Variants in KCNMA1 observed in about 807,000 individuals in gnomAD.
KCNMA1 encodes the protein potassium calcium-activated channel subfamily M alpha 1.
Under a neutral mutation model 140.0 loss-of-function variants are expected in KCNMA1, and 29 were observed. The ratio of observed to expected loss-of-function variants is 0.21; its 90% CI spans 0.15 to 0.28. The LOEUF (loss-of-function observed/expected upper bound fraction) is 0.28. KCNMA1 is among the 10% of genes least tolerant of loss of function. The pLI is 1.00. For synonymous variants in KCNMA1, 612 were observed against 611.9 expected, an observed-to-expected ratio of 1.00 and a Z score of 0.00; for missense variants, 880 against 1,602.2, an observed-to-expected ratio of 0.55 and a Z score of 7.70.
chr10:77,613,821 G>A (rs1211799789), intron 1 of KCNMA1, among the ~76,000 whole-genome samples: 1 of 152,210 alleles, frequency 6.6e-6, no homozygotes, highest in Non-Finnish European at 1.5e-5. Context: ...AGAGGAGATG[G>A]ATGGGGTAGA....
chr10:76,884,910 A>G lies in KCNMA1; in HGVS notation c.*2356T>C. The G allele has an allele frequency of 6.8e-7, 1 of 1,461,132 alleles. No individual in the cohort carries two copies. Among genetic ancestry groups the G allele is most frequent in the Non-Finnish European group, 9.0e-7 (1 of 1,108,062 alleles). The allele number at this position is 1,461,132 out of a possible 1,614,324, so 90.5% of individuals were successfully genotyped here. On this transcript the variant is annotated 3_prime_UTR_variant, in exon 28 of 28. Transcript: ENST00000286628. ...GTAACTCCTTTTTTTTTAATTTCAC[A>G]AAAGTTTTCACAAGGACAACGTTAT...
chr10:77,354,931 A>T (rs58492737), intron 2 of KCNMA1, among the ~76,000 whole-genome samples: 1,947 of 152,298 alleles, frequency 0.013, 39 homozygotes, highest in African/African-American at 0.043. Context: ...TTACCAAAAC[A>T]TATGCCTTCT....
intron 2 of KCNMA1, among the ~76,000 whole-genome samples, chr10:77,379,327 T>C (rs1186820170): frequency 1.3e-5 from 2 of 152,130 alleles, no homozygotes; most frequent in African/African-American, 4.8e-5. Context: ...TATTAAATCC[T>C]CAACCATTTT....
At chr10:77,503,027 G>A (rs1475412311) in intron 1 of KCNMA1, among the ~76,000 whole-genome samples, 2 of 152,174 alleles carry the variant, frequency 1.3e-5, no homozygotes, top group Non-Finnish European at 2.9e-5. Context: ...TGAAGCTGGA[G>A]GACCGCTTGA....
intron 3 of KCNMA1, among the ~76,000 whole-genome samples, chr10:77,191,348 A>G (rs2098936698): frequency 6.6e-6 from 1 of 152,214 alleles, no homozygotes; most frequent in Non-Finnish European, 1.5e-5. Context: ...TGAGAAAGCA[A>G]TAATATTTAT....
At chr10:77,471,309 A>G (rs1291960278) in intron 1 of KCNMA1, among the ~76,000 whole-genome samples, 1 of 151,320 alleles carries the variant, frequency 6.6e-6, no homozygotes, top group Admixed American at 6.6e-5. Context: ...CACACTACAC[A>G]GTGCACACCA....
intron 14 of KCNMA1, among the ~76,000 whole-genome samples, chr10:77,067,073 G>T (rs1368383385): frequency 6.6e-6 from 1 of 152,194 alleles, no homozygotes; most frequent in Non-Finnish European, 1.5e-5. Context: ...AGTGTACCCA[G>T]ATATTTGGCT....
intron 2 of KCNMA1, among the ~76,000 whole-genome samples, chr10:77,375,960 C>G (rs1346816658): frequency 1.3e-5 from 2 of 152,192 alleles, no homozygotes; most frequent in East Asian, 3.9e-4. Context: ...TGGGTATGAG[C>G]CTCCAGCACA....
chr10:77,097,414 A>C (rs762214424), intron 9 of KCNMA1, among the ~76,000 whole-genome samples: 3 of 151,920 alleles, frequency 2.0e-5, no homozygotes, highest in Non-Finnish European at 4.4e-5. Context: ...CTGGCTTGGA[A>C]CCCCCAAAAC....
intron 2 of KCNMA1, among the ~76,000 whole-genome samples, chr10:77,289,225 T>C (rs970817317): frequency 6.6e-6 from 1 of 152,164 alleles, no homozygotes; most frequent in African/African-American, 2.4e-5. Context: ...CTTTCCACCT[T>C]GAACCCAGCA....
chr10:77,295,807 A>AAC (rs2074902135), intron 2 of KCNMA1, among the ~76,000 whole-genome samples: 1 of 150,334 alleles, frequency 6.7e-6, no homozygotes, highest in Non-Finnish European at 1.5e-5. Flanking sequence ...AAAAAAAAAA[A>AAC]AAAAAAAAAA....
At chr10:77,093,693 G>C (rs2096866090) in intron 9 of KCNMA1, among the ~76,000 whole-genome samples, 1 of 152,104 alleles carries the variant, frequency 6.6e-6, no homozygotes, top group East Asian at 1.9e-4. Flanking sequence ...TATTATTGCA[G>C]GAAGAAGAGA....
chr10:77,305,495 C>T (rs1444975304), intron 2 of KCNMA1, among the ~76,000 whole-genome samples: 2 of 152,158 alleles, frequency 1.3e-5, no homozygotes, highest in African/African-American at 4.8e-5. Context: ...CCAGTTCTCT[C>T]TGACCTTGTG....
Position 76,972,230 on chromosome 10 carries a change from G to T in KCNMA1, c.2267-2163C>A, listed in dbSNP as rs146491885. On this transcript the variant is annotated intron_variant, in intron 19 of 27. Transcript: ENST00000286628. Reference sequence around the variant, plus strand: ...CAAGTTCTGTTTTTCTCATCTTAAGGTTATAATTCAGTTAGACTTCTTAAG... The same window carrying T: ...CAAGTTCTGTTTTTCTCATCTTAAGTTTATAATTCAGTTAGACTTCTTAAG... Among the ~76,000 whole-genome samples, 216 of 152,194 alleles carry T rather than the reference G, an allele frequency of 1.4e-3. 2 individuals carry two copies. The highest frequency in any genetic ancestry group is 4.7e-3 in the African/African-American group (196 of 41,506).
chr10:76,880,667 T>C (rs1308293727), downstream of KCNMA1, among the ~76,000 whole-genome samples: 2 of 152,184 alleles, frequency 1.3e-5, no homozygotes, highest in African/African-American at 2.4e-5. Context: ...CAATGATAAT[T>C]TGATGTATTG....
chr10:77,260,826 T>G (rs2574798), intron 2 of KCNMA1, among the ~76,000 whole-genome samples: 1 of 151,854 alleles, frequency 6.6e-6, no homozygotes, highest in Non-Finnish European at 1.5e-5. Flanking sequence ...GTGGCAGATA[T>G]AGGGAGCATT....
At chr10:77,119,483 G>A (rs2097549774) in intron 6 of KCNMA1, among the ~76,000 whole-genome samples, 1 of 152,170 alleles carries the variant, frequency 6.6e-6, no homozygotes. Flanking sequence ...TATGCTTGGT[G>A]CTGGGTACTC....
In KCNMA1 at chr10:77,112,367, C is replaced by T; in HGVS notation, c.960G>A (p.Leu320=). The change falls in exon 7 of 28, where the codon TTG becomes TTA. Residue 320 remains leucine (L), a splice_region_variant and synonymous_variant. Coordinates refer to ENST00000286628, the MANE Select transcript of KCNMA1 (RefSeq NM_001161352.2). ...CAGAAGGGTCTTCAAGGTTACTCAC[C>T]AAATGGATGAACCCGGCTGCAGTCA... ...TWLTAAGFIH[L]VENSGDPWEN... 6.2e-7 allele frequency: 1 copy of T among 1,612,116 alleles called. No homozygotes were observed. The highest frequency in any genetic ancestry group is 8.5e-7 in the Non-Finnish European group (1 of 1,178,220).
intron 3 of KCNMA1, among the ~76,000 whole-genome samples, chr10:77,246,030 C>T (rs1438459412): frequency 6.6e-6 from 1 of 152,190 alleles, no homozygotes; most frequent in Admixed American, 6.5e-5. Context: ...CCCACAACTG[C>T]ACACTTGGTT....
Sources: gnomAD v4.1 joint callset for allele counts (sites outside exome capture counted in the v4.1 genomes callset) on GRCh38, gnomAD v4.1.1 for gene constraint, MANE v1.5 for transcripts, NCBI Gene and HGNC (gene_info 2026-07-23, HGNC 2026-07-21) for gene names.